STAU2: variants seen among roughly 807,000 people sequenced by gnomAD.
STAU2 encodes the protein staufen double-stranded RNA binding protein 2, also known as double-stranded RNA-binding protein Staufen homolog 2.
Under a neutral mutation model 65.9 loss-of-function variants are expected in STAU2, and 20 were observed. The observed-to-expected ratio is 0.30, with a 90% CI of 0.21 to 0.44. The LOEUF is 0.44. STAU2 is among the 20% of genes least tolerant of loss of function. STAU2 has a pLI of 1.00. For missense variants in STAU2, 558 were observed against 683.9 expected, an observed-to-expected ratio of 0.82 and a Z score of 2.05; for synonymous variants, 232 against 233.9, an observed-to-expected ratio of 0.99 and a Z score of 0.07.
At chr8:73,675,616 A>T (rs972561782) in intron 5 of STAU2, 6 of 152,298 alleles carry the variant, frequency 3.9e-5, no homozygotes, top group African/African-American at 1.4e-4. Context: ...AAAATGCATA[A>T]ATCATGAGGA....
At chr8:73,505,358 T>C (rs948949471) in intron 13 of STAU2, among the ~76,000 whole-genome samples, 23 of 152,060 alleles carry the variant, frequency 1.5e-4, no homozygotes, top group African/African-American at 5.3e-4. Context: ...GGAGCAATAA[T>C]AGTGAACAGG....
At chr8:73,462,254 A>G (rs926785075) in intron 13 of STAU2, among the ~76,000 whole-genome samples, 1 of 147,942 alleles carries the variant, frequency 6.8e-6, no homozygotes, top group Non-Finnish European at 1.5e-5. Context: ...TAATTTTTGT[A>G]TTTTTTTTTC....
intron 13 of STAU2, among the ~76,000 whole-genome samples, chr8:73,489,540 G>A (rs943311612): frequency 2.6e-5 from 4 of 152,072 alleles, no homozygotes; most frequent in African/African-American, 9.6e-5. Context: ...CCATAAAACA[G>A]GCTTAGGGAA....
chr8:73,584,081 G>A (rs1810194027), intron 11 of STAU2, among the ~76,000 whole-genome samples: 1 of 152,138 alleles, frequency 6.6e-6, no homozygotes, highest in Non-Finnish European at 1.5e-5. Context: ...ATCTTAGGGT[G>A]ACAAGGAAAT....
intron 13 of STAU2, among the ~76,000 whole-genome samples, chr8:73,507,521 T>G (rs1822135692): frequency 1.3e-5 from 2 of 152,308 alleles, no homozygotes; most frequent in African/African-American, 4.8e-5. Context: ...CAGGCTTTGC[T>G]CTTCCATTTC....
chr8:73,704,944 G>A (rs1015372801), intron 4 of STAU2, among the ~76,000 whole-genome samples: 2 of 152,122 alleles, frequency 1.3e-5, no homozygotes, highest in East Asian at 3.9e-4. Flanking sequence ...TGGGATTACA[G>A]GCAAAAGTAA....
intron 13 of STAU2, among the ~76,000 whole-genome samples, chr8:73,466,736 T>G (rs1819677166): frequency 6.6e-6 from 1 of 152,346 alleles, no homozygotes; most frequent in African/African-American, 2.4e-5. Flanking sequence ...TTCTACTTTG[T>G]GCTGTGGATA....
intron 13 of STAU2, among the ~76,000 whole-genome samples, chr8:73,544,828 T>C (rs1234895469): frequency 3.3e-5 from 5 of 152,210 alleles, no homozygotes; most frequent in Admixed American, 3.3e-4. Context: ...ATAAGACCAT[T>C]GTGTAATGTT....
At chr8:73,547,969 A>G (rs968286596) in intron 13 of STAU2, among the ~76,000 whole-genome samples, 2 of 150,644 alleles carry the variant, frequency 1.3e-5, no homozygotes, top group Admixed American at 1.3e-4. Context: ...TTTACATTAT[A>G]TTAGGTATTA....
intron 13 of STAU2, among the ~76,000 whole-genome samples, chr8:73,537,854 C>T (rs1277657659): frequency 6.6e-6 from 1 of 152,158 alleles, no homozygotes; most frequent in Non-Finnish European, 1.5e-5. Context: ...CACTATAGCA[C>T]TGTCTAATGT....
intron 12 of STAU2, among the ~76,000 whole-genome samples, chr8:73,574,658 C>T (rs774527391): frequency 2.7e-4 from 41 of 152,124 alleles, no homozygotes; most frequent in Non-Finnish European, 5.4e-4. Flanking sequence ...ATCGCAAGGA[C>T]AGAAAACCAA....
chr8:73,543,465 C>T (rs1223274446), intron 13 of STAU2, among the ~76,000 whole-genome samples: 1 of 152,192 alleles, frequency 6.6e-6, no homozygotes, highest in East Asian at 1.9e-4. Context: ...TCTGACACAA[C>T]TGAAGACACT....
At chr8:73,639,825 G>A (rs753790975) in intron 6 of STAU2, among the ~76,000 whole-genome samples, 8 of 151,996 alleles carry the variant, frequency 5.3e-5, no homozygotes, top group African/African-American at 1.7e-4. Context: ...ATTTGGAAAC[G>A]AAAATTTAAC....
intron 6 of STAU2, among the ~76,000 whole-genome samples, chr8:73,668,588 T>C (rs536495510): frequency 6.6e-6 from 1 of 152,340 alleles, no homozygotes; most frequent in South Asian, 2.1e-4. Context: ...AAGCACGAAG[T>C]GTTCTCCAAG....
chr8:73,488,988 A>G (rs767742273), intron 13 of STAU2, among the ~76,000 whole-genome samples: 2 of 151,090 alleles, frequency 1.3e-5, no homozygotes, highest in Non-Finnish European at 3.0e-5. Flanking sequence ...GTCTGGGTCA[A>G]TTTTTTTTTC....
chr8:73,653,938 T>C (rs926135595), intron 6 of STAU2: 27 of 422,926 alleles, frequency 6.4e-5, no homozygotes, highest in Non-Finnish European at 1.1e-4. Context: ...TCAAGTTGTA[T>C]AGCTTTTCAA....
chr8:73,547,862 T>C (rs569452508), intron 13 of STAU2, among the ~76,000 whole-genome samples: 25 of 152,148 alleles, frequency 1.6e-4, no homozygotes, highest in African/African-American at 5.8e-4. Flanking sequence ...GGGCCCTCCA[T>C]ATCCATGGGC....
chr8:73,562,217 G>A (rs545850823), intron 12 of STAU2, among the ~76,000 whole-genome samples: 9 of 152,204 alleles, frequency 5.9e-5, no homozygotes, highest in Non-Finnish European at 1.3e-4. Context: ...TCAGTGCAGT[G>A]GCTCACACCT....
intron 13 of STAU2, among the ~76,000 whole-genome samples, chr8:73,522,112 C>T (rs890992382): frequency 2.0e-5 from 3 of 152,104 alleles, no homozygotes; most frequent in Admixed American, 6.6e-5. Flanking sequence ...CATCTACTTA[C>T]CCAATCTTTG....
Sources: allele counts gnomAD v4.1 joint callset (sites outside exome capture counted in the v4.1 genomes callset), GRCh38; gene constraint gnomAD v4.1.1; transcripts MANE v1.5; gene names NCBI Gene and HGNC (gene_info 2026-07-23, HGNC 2026-07-21).